UVRAG: variants seen among roughly 807,000 people sequenced by gnomAD.
UVRAG encodes the protein UV radiation resistance associated.
UVRAG carries 19 observed loss-of-function variants against 78.0 expected under a neutral mutation model. That is an observed-to-expected ratio of 0.24 (90% CI 0.17 to 0.36). The LOEUF (loss-of-function observed/expected upper bound fraction) is 0.36, where lower values mean the gene tolerates loss of function less well. Ranked by LOEUF, UVRAG falls within the 10% of genes least tolerant of loss-of-function variation. The pLI is 1.00. For synonymous variants in UVRAG, 323 were observed against 324.6 expected, an observed-to-expected ratio of 1.00 and a Z score of 0.05; for missense variants, 740 against 853.8, an observed-to-expected ratio of 0.87 and a Z score of 1.66.
intron 13 of UVRAG, 86 bp downstream of exon 13, chr11:76,065,874 C>A: frequency 8.2e-7 from 1 of 1,223,896 alleles, no homozygotes; most frequent in Non-Finnish European, 1.2e-6. Context: ...TATAAATATG[C>A]ACTGCAGTTG....
chr11:75,925,500 G>C (rs1948080489), intron 6 of UVRAG, among the ~76,000 whole-genome samples: 1 of 152,090 alleles, frequency 6.6e-6, no homozygotes, highest in Non-Finnish European at 1.5e-5. Context: ...CTTTATGACT[G>C]GAAATACTCT....
chr11:75,911,556 G>T (rs1947738929), intron 5 of UVRAG: 1 of 163,394 alleles, frequency 6.1e-6, no homozygotes. Flanking sequence ...TTTCTCTGGG[G>T]ATGACTGGTC....
chr11:75,945,908 T>C (rs1404193794), intron 6 of UVRAG, among the ~76,000 whole-genome samples: 1 of 152,168 alleles, frequency 6.6e-6, no homozygotes, highest in Non-Finnish European at 1.5e-5. Flanking sequence ...CCAAGAAGAC[T>C]TTTGCTTCCA....
At chr11:76,057,481 A>T (rs1951005077) in intron 12 of UVRAG, among the ~76,000 whole-genome samples, 1 of 151,304 alleles carries the variant, frequency 6.6e-6, no homozygotes, top group South Asian at 2.1e-4. Context: ...AAATGGAAAC[A>T]GAAATATTAT....
chr11:76,042,741 T>C (rs539551020), intron 12 of UVRAG, among the ~76,000 whole-genome samples: 44 of 152,310 alleles, frequency 2.9e-4, no homozygotes, highest in Non-Finnish European at 6.2e-4. Context: ...ATTAATTCTG[T>C]GAACATTAAG....
At chr11:76,060,745 G>GTGCCAGC (rs1951071326) in intron 12 of UVRAG, among the ~76,000 whole-genome samples, 1 of 152,214 alleles carries the variant, frequency 6.6e-6, no homozygotes, top group Non-Finnish European at 1.5e-5. Flanking sequence ...TCCCCCAGCA[G>GTGCCAGC]TGCCAGCACA....
chr11:75,987,311 T>C (rs1423341360), intron 8 of UVRAG, among the ~76,000 whole-genome samples: 1 of 152,212 alleles, frequency 6.6e-6, no homozygotes, highest in Non-Finnish European at 1.5e-5. Flanking sequence ...TATAGCATTG[T>C]TTCTCATTGT....
intron 1 of UVRAG, chr11:75,838,998 C>G (rs963803943): frequency 1.3e-5 from 2 of 152,290 alleles, no homozygotes; most frequent in Non-Finnish European, 2.9e-5. Flanking sequence ...AGCAAAAAGG[C>G]TCTCACCAGA....
At chr11:75,987,577 A>T (rs931225073) in intron 8 of UVRAG, among the ~76,000 whole-genome samples, 1 of 152,180 alleles carries the variant, frequency 6.6e-6, no homozygotes, top group Non-Finnish European at 1.5e-5. Flanking sequence ...TAGAAGTAGT[A>T]TCAGTGGATA....
rs566294759 is a variant in UVRAG, at chr11:76,055,004, C to T, written c.1227-10706C>T. On this transcript the variant is annotated intron_variant, in intron 12 of 14. Transcript: ENST00000356136. ...TTTCAAATGCTCTTACGTCTTCTCT[C>T]TTTCAAATTTCTGACCTTTACTTTC... Among the ~76,000 whole-genome samples, 134 of 152,322 alleles carry T rather than the reference C, an allele frequency of 8.8e-4. 1 individual carries two copies. The South Asian group carries it at 0.028, about 31-fold the overall frequency.
At chr11:75,907,689 T>C (rs1323963745) in intron 5 of UVRAG, among the ~76,000 whole-genome samples, 1 of 150,968 alleles carries the variant, frequency 6.6e-6, no homozygotes, top group Non-Finnish European at 1.5e-5. Flanking sequence ...AATTTCTTTA[T>C]TAAAACAATT....
chr11:75,894,423 GA>G (rs2134953346), intron 5 of UVRAG, among the ~76,000 whole-genome samples: 1 of 152,134 alleles, frequency 6.6e-6, no homozygotes, highest in South Asian at 2.1e-4. Flanking sequence ...ACAATAATGA[GA>G]GTGGGTGTTC....
intron 13 of UVRAG, among the ~76,000 whole-genome samples, chr11:76,111,196 A>G (rs562687218): frequency 6.6e-6 from 1 of 152,322 alleles, no homozygotes; most frequent in African/African-American, 2.4e-5. Flanking sequence ...TGAAAAGAAT[A>G]GATAAGACCA....
At chr11:76,064,354 T>A (rs1951149088) in intron 12 of UVRAG, among the ~76,000 whole-genome samples, 1 of 152,208 alleles carries the variant, frequency 6.6e-6, no homozygotes, top group Non-Finnish European at 1.5e-5. Flanking sequence ...CGTCGTTTCT[T>A]TGCAGGCTAC....
intron 6 of UVRAG, among the ~76,000 whole-genome samples, chr11:75,919,240 C>G (rs1228778890): frequency 6.6e-6 from 1 of 151,056 alleles, no homozygotes; most frequent in Non-Finnish European, 1.5e-5. Context: ...TTTTTTTCCT[C>G]CCTGCCTAAT....
At chr11:75,997,013 C>T (rs1056139658) in intron 8 of UVRAG, among the ~76,000 whole-genome samples, 1 of 152,050 alleles carries the variant, frequency 6.6e-6, no homozygotes, top group African/African-American at 2.4e-5. Flanking sequence ...GCACTAAATG[C>T]AGAGAATAAT....
chr11:75,972,101 T>TA (rs1949134531), intron 7 of UVRAG, among the ~76,000 whole-genome samples: 1 of 152,058 alleles, frequency 6.6e-6, no homozygotes, highest in Admixed American at 6.6e-5. Flanking sequence ...TTTTTTTTTT[T>TA]ATGAGAGTTC....
intron 14 of UVRAG, among the ~76,000 whole-genome samples, chr11:76,122,896 CT>C (rs1952311976): frequency 6.6e-6 from 1 of 152,176 alleles, no homozygotes; most frequent in Non-Finnish European, 1.5e-5. Context: ...ACTTGCAAAA[CT>C]TTCTATGTTT....
At chr11:76,064,142 C>T (rs553783051) in intron 12 of UVRAG, among the ~76,000 whole-genome samples, 66 of 152,252 alleles carry the variant, frequency 4.3e-4, no homozygotes, top group African/African-American at 1.6e-3. Context: ...GCTTGGTTTT[C>T]AATGTATGCT....
Sources: allele counts gnomAD v4.1 joint callset (sites outside exome capture counted in the v4.1 genomes callset), GRCh38; gene constraint gnomAD v4.1.1; transcripts MANE v1.5; gene names NCBI Gene and HGNC (gene_info 2026-07-23, HGNC 2026-07-21).